Variants in ATP7A observed in about 807,000 individuals in gnomAD.
The protein encoded by ATP7A is copper-transporting ATPase 1.
In ATP7A, 7 loss-of-function variants were observed where a neutral mutation model predicts 83.5. That is an observed-to-expected ratio of 0.08 (90% confidence interval 0.05 to 0.16). The LOEUF (loss-of-function observed/expected upper bound fraction) is 0.16, where lower values mean the gene tolerates loss of function less well. Ranked by LOEUF, ATP7A falls within the 10% of genes least tolerant of loss-of-function variation. ATP7A has a pLI of 1.00. For missense variants in ATP7A, 940 were observed against 1,120.8 expected (o/e 0.84, Z 2.30); for synonymous variants, 354 against 395.2 (o/e 0.90, Z 1.24).
chrX:77,956,428 A>G (rs782704895), intron 1 of ATP7A, among the ~76,000 whole-genome samples: 1 of 112,219 alleles, frequency 8.9e-6, no homozygotes, highest in African/African-American at 3.2e-5. Flanking sequence ...TCATGTTGAA[A>G]TGTAATCCCC....
chrX:78,029,463 C>G lies in ATP7A; in HGVS notation c.3111+19C>G. ...TCATAAGGTAAGACAGTCCCCAGAACTAAAACCTGTACCACCAAACTATCA... is the reference window on the plus strand; with the variant it reads ...TCATAAGGTAAGACAGTCCCCAGAAGTAAAACCTGTACCACCAAACTATCA... On this transcript the variant is annotated intron_variant, in intron 15 of 22. Transcript: ENST00000341514. The G allele has an allele frequency of 1.7e-6, 2 of 1,188,042 alleles. No individual in the cohort carries two copies. The highest frequency in any genetic ancestry group is 2.3e-6 in the Non-Finnish European group (2 of 875,659).
chrX:78,046,690 C>A lies in ATP7A; in HGVS notation c.*120C>A. 2 of 975,934 alleles carry A rather than the reference C, an allele frequency of 2.0e-6. No individual in the cohort carries two copies. The highest frequency in any genetic ancestry group is 2.9e-6 in the Non-Finnish European group (2 of 694,374). The allele number at this position is 975,934 out of a possible 1,213,427, so 80.4% of individuals were successfully genotyped here. On this transcript the variant is annotated 3_prime_UTR_variant, in exon 23 of 23. Transcript: ENST00000341514. ...TTCTCATGCTCTTATATTAGGGATT[C>A]TATTTGAGTTGCGTTTATCTGTTGG...
intron 19 of ATP7A, among the ~76,000 whole-genome samples, chrX:78,041,775 G>C (rs1557238436): frequency 9.0e-6 from 1 of 110,950 alleles, no homozygotes; most frequent in Non-Finnish European, 1.9e-5. Flanking sequence ...TCAGTAGTTT[G>C]CTTTTTTTAC....
At chrX:77,992,101 G>C (rs973558913) in intron 4 of ATP7A, among the ~76,000 whole-genome samples, 1 of 102,209 alleles carries the variant, frequency 9.8e-6, no homozygotes, top group South Asian at 4.5e-4. Flanking sequence ...ATCTTGTTCT[G>C]TCACCCAGGC....
chrX:77,953,312 C>T (rs1465881894), intron 1 of ATP7A, among the ~76,000 whole-genome samples: 1 of 111,154 alleles, frequency 9.0e-6, no homozygotes, highest in Non-Finnish European at 1.9e-5. Flanking sequence ...TTTTTATATT[C>T]GGGGGTACAT....
At chrX:78,026,871 G>A (rs1003819956) in intron 14 of ATP7A, among the ~76,000 whole-genome samples, 10 of 111,659 alleles carry the variant, frequency 9.0e-5, no homozygotes, top group Non-Finnish European at 1.7e-4. Flanking sequence ...CATTTCGGCC[G>A]GGCGCGGTGG....
At chrX:77,959,528 A>G (rs1453776457) in intron 1 of ATP7A, among the ~76,000 whole-genome samples, 4 of 111,683 alleles carry the variant, frequency 3.6e-5, no homozygotes, top group African/African-American at 3.3e-5. Context: ...CATGGCCTCT[A>G]TGCACTAGAT....
At chrX:77,984,331 C>T (rs1405234374) in intron 2 of ATP7A, among the ~76,000 whole-genome samples, 1 of 109,845 alleles carries the variant, frequency 9.1e-6, no homozygotes, top group Non-Finnish European at 1.9e-5. Context: ...TACATAAGTA[C>T]CTTTTTTTTT....
At position 77,989,592 on chromosome X, in the gene ATP7A, A is replaced by G; in HGVS notation, c.970A>G (p.Ser324Gly). Residue 324 changes from serine to glycine, a missense_variant, in exon 4 of 23, where the codon AGC (serine) becomes GGC (glycine). Ser to Gly is a moderately conservative substitution (Grantham distance 56, BLOSUM62 0). This residue lies in a region of ATP7A where 350 missense variants were observed against 432.8 expected (regional missense o/e 0.81). Coordinates refer to ENST00000341514, the MANE Select transcript of ATP7A (RefSeq NM_000052.7). The part of the protein sequence containing the change: ...NRSAIVKYNA[S>G]SVTPESLRKA... ...GTCTGCCATTGTGAAGTATAATGCA[A>G]GCTCAGTCACTCCAGAATCCCTGAG... 1 of 1,211,955 alleles carries G rather than the reference A, an allele frequency of 8.3e-7. No individual in the cohort carries two copies. Among genetic ancestry groups the G allele is most frequent in the Non-Finnish European group, 1.1e-6 (1 of 895,528 alleles).
At chrX:77,966,167 A>C (rs991637143) in intron 1 of ATP7A, among the ~76,000 whole-genome samples, 5 of 112,365 alleles carry the variant, frequency 4.4e-5, no homozygotes, top group Non-Finnish European at 9.4e-5. Flanking sequence ...ACATCTCAAG[A>C]ATGTTTTAAA....
chrX:77,932,776 G>A (rs1323648219), intron 1 of ATP7A, among the ~76,000 whole-genome samples: 2 of 112,596 alleles, frequency 1.8e-5, no homozygotes, highest in African/African-American at 3.2e-5. Flanking sequence ...GTGGCAGCGC[G>A]CGCCTGCAAT....
chrX:78,011,763 T>A (rs1557234566), intron 9 of ATP7A, 89 bp downstream of exon 9: 2 of 858,856 alleles, frequency 2.3e-6, no homozygotes, highest in South Asian at 4.0e-5. Flanking sequence ...ACAAAACTGA[T>A]GTTAGCTAGA....
At chrX:78,001,987 T>C (rs1557233191) in intron 5 of ATP7A, among the ~76,000 whole-genome samples, 1 of 111,669 alleles carries the variant, frequency 9.0e-6, no homozygotes, top group Non-Finnish European at 1.9e-5. Flanking sequence ...ATGACTATTA[T>C]TTGATAATAT....
At chrX:77,973,969 C>A (rs2077562647) in intron 2 of ATP7A, among the ~76,000 whole-genome samples, 3 of 111,153 alleles carry the variant, frequency 2.7e-5, no homozygotes, top group Non-Finnish European at 5.6e-5. Flanking sequence ...TTTTTGAATG[C>A]TGTTATAAAT....
rs1557237081 is a variant in ATP7A at position 78,031,577 on chromosome X, A to C, written c.3289A>C (p.Lys1097Gln). ...PLGTAITKYC[K>Q]QELDTETLGT... ...AGGAACAGCCATAACCAAATATTGC[A>C]AACAGGTACATTTTTTTCCTCTTGT... The change falls in exon 16 of 23, where the codon AAA becomes CAA. Residue 1097 changes from lysine (K) to glutamine (Q), a missense_variant. Lys to Gln is a moderately conservative substitution (Grantham distance 53). Coordinates refer to ENST00000341514, the MANE Select transcript of ATP7A (RefSeq NM_000052.7). The C allele has an allele frequency of 8.3e-7, 1 of 1,208,505 alleles. No homozygotes were observed. The highest frequency in any genetic ancestry group is 1.1e-6 in the Non-Finnish European group (1 of 892,476).
intron 1 of ATP7A, among the ~76,000 whole-genome samples, chrX:77,947,399 A>C (rs2077385881): frequency 9.1e-6 from 1 of 110,258 alleles, no homozygotes. Flanking sequence ...ACATATAAAA[A>C]TGGTTAAAAT....
At chrX:77,970,708 C>A (rs782670998) in intron 1 of ATP7A, among the ~76,000 whole-genome samples, 11 of 111,265 alleles carry the variant, frequency 9.9e-5, no homozygotes, top group African/African-American at 1.3e-4. Flanking sequence ...ACAACAACAA[C>A]AAAAAACAAG....
chrX:77,944,985 G>A (rs2077370876), intron 1 of ATP7A, among the ~76,000 whole-genome samples: 1 of 109,446 alleles, frequency 9.1e-6, no homozygotes, highest in Non-Finnish European at 1.9e-5. Context: ...CAAGTAGCTG[G>A]GATTACAGGC....
chrX:78,041,364 C>G (rs2078047156), intron 19 of ATP7A, among the ~76,000 whole-genome samples: 1 of 110,009 alleles, frequency 9.1e-6, no homozygotes, highest in Admixed American at 9.7e-5. Flanking sequence ...CAACCTCCAC[C>G]TCCTGGGTTC....
Sources: gnomAD v4.1 joint callset for allele counts (sites outside exome capture counted in the v4.1 genomes callset) on GRCh38, gnomAD v4.1.1 for gene constraint, gnomAD v4.1.1 regional missense constraint, MANE v1.5 for transcripts, NCBI Gene and HGNC (gene_info 2026-07-23, HGNC 2026-07-21) for gene names.